The following ANK3 variants were observed in gnomAD, a reference collection of about 807,000 sequenced individuals.
ANK3 encodes ankyrin 3.
Under a neutral mutation model 370.9 loss-of-function variants are expected in ANK3, and 57 were observed. The ratio of observed to expected loss-of-function variants is 0.15; its 90% confidence interval spans 0.12 to 0.19. The LOEUF is 0.19. ANK3 is among the 10% of genes least tolerant of loss of function. The pLI, the probability that ANK3 is intolerant of heterozygous loss-of-function variation, is 1.00. For missense variants in ANK3, 4,439 were observed against 5,302.1 expected, an observed-to-expected ratio of 0.84 and a Z score of 5.06; for synonymous variants, 1,929 against 1,946.3, an observed-to-expected ratio of 0.99 and a Z score of 0.23.
At chr10:60,415,725 A>G (rs1016074836) in intron 2 of ANK3, among the ~76,000 whole-genome samples, 1 of 152,118 alleles carries the variant, frequency 6.6e-6, no homozygotes, top group Non-Finnish European at 1.5e-5. Context: ...TTGTTATAGG[A>G]GAGTCATGGG....
chr10:60,620,303 A>C (rs2078318447), intron 1 of ANK3, among the ~76,000 whole-genome samples: 1 of 152,168 alleles, frequency 6.6e-6, no homozygotes, highest in Non-Finnish European at 1.5e-5. Flanking sequence ...ATTTGTGTGA[A>C]AATCAAGTTT....
intron 42 of ANK3, among the ~76,000 whole-genome samples, chr10:60,048,443 C>G (rs1227453517): frequency 3.9e-5 from 6 of 152,122 alleles, no homozygotes; most frequent in Non-Finnish European, 7.4e-5. Context: ...TTCATTTGTT[C>G]TGGAAGAGAA....
At chr10:60,195,004 T>C (rs1282662204) in intron 16 of ANK3, among the ~76,000 whole-genome samples, 2 of 152,168 alleles carry the variant, frequency 1.3e-5, no homozygotes, top group East Asian at 3.9e-4. Context: ...AGTTCATTCA[T>C]CTGTGTATAC....
intron 1 of ANK3, among the ~76,000 whole-genome samples, chr10:60,642,637 T>TCG (rs2078650803): frequency 6.9e-6 from 1 of 144,726 alleles, no homozygotes; most frequent in South Asian, 2.2e-4. Context: ...TGTTGTGGGG[T>TCG]GGGGGGGCGA....
chr10:60,232,524 T>A (rs2097261415), intron 8 of ANK3, among the ~76,000 whole-genome samples: 1 of 152,212 alleles, frequency 6.6e-6, no homozygotes, highest in Non-Finnish European at 1.5e-5. Context: ...AATTGCTTCT[T>A]ACTGGAATGA....
chr10:60,342,811 T>C (rs1042167730), intron 1 of ANK3, among the ~76,000 whole-genome samples: 3 of 152,138 alleles, frequency 2.0e-5, no homozygotes, highest in African/African-American at 7.2e-5. Flanking sequence ...GATGAAGTCA[T>C]TGAGATAACT....
intron 1 of ANK3, among the ~76,000 whole-genome samples, chr10:60,653,533 A>G (rs2078820944): frequency 6.6e-6 from 1 of 152,068 alleles, no homozygotes. Context: ...CCAATTCTGT[A>G]GCTTTATAGT....
intron 2 of ANK3, among the ~76,000 whole-genome samples, chr10:60,489,924 T>G (rs2133117972): frequency 6.6e-6 from 1 of 152,286 alleles, no homozygotes; most frequent in Non-Finnish European, 1.5e-5. Flanking sequence ...TTGCCCACAT[T>G]TATTCATCAG....
At chr10:60,561,742 T>C (rs937301040) in intron 2 of ANK3, among the ~76,000 whole-genome samples, 1 of 152,208 alleles carries the variant, frequency 6.6e-6, no homozygotes, top group South Asian at 2.1e-4. Context: ...CCACAAGGCC[T>C]TTCCCAAGCC....
At chr10:60,594,262 T>C (rs536199580) in intron 2 of ANK3, among the ~76,000 whole-genome samples, 1 of 152,314 alleles carries the variant, frequency 6.6e-6, no homozygotes, top group East Asian at 1.9e-4. Flanking sequence ...TAAAGATTGT[T>C]ATAGCAGGGA....
chr10:60,418,370 C>T (rs1470382015), intron 2 of ANK3, among the ~76,000 whole-genome samples: 9 of 152,084 alleles, frequency 5.9e-5, no homozygotes, highest in African/African-American at 9.7e-5. Context: ...GCTACACCTG[C>T]GCCTAAGTAT....
intron 1 of ANK3, among the ~76,000 whole-genome samples, chr10:60,641,460 C>T (rs2078631558): frequency 6.6e-6 from 1 of 151,252 alleles, no homozygotes; most frequent in South Asian, 2.1e-4. Flanking sequence ...AGAACAGAGC[C>T]CTCAGAAATA....
At chr10:60,118,353 T>G (rs766549257) in intron 25 of ANK3, among the ~76,000 whole-genome samples, 11 of 152,144 alleles carry the variant, frequency 7.2e-5, no homozygotes, top group Non-Finnish European at 1.6e-4. Context: ...CTCACCCACA[T>G]CCTAGGAAAA....
At chr10:60,191,268 CA>C (rs1453551573) in intron 16 of ANK3, among the ~76,000 whole-genome samples, 1 of 151,640 alleles carries the variant, frequency 6.6e-6, no homozygotes, top group Non-Finnish European at 1.5e-5. Context: ...TTCTGCATAG[CA>C]AAAGAGATAA....
chr10:60,448,894 A>T (rs116766032), intron 2 of ANK3, among the ~76,000 whole-genome samples: 1 of 152,204 alleles, frequency 6.6e-6, no homozygotes, highest in Non-Finnish European at 1.5e-5. Flanking sequence ...AATGGCTCCA[A>T]CCTTGTCCCA....
chr10:60,602,075 G>A (rs2078071966), intron 2 of ANK3, among the ~76,000 whole-genome samples: 1 of 152,200 alleles, frequency 6.6e-6, no homozygotes, highest in African/African-American at 2.4e-5. Flanking sequence ...GGAATAGTAA[G>A]AGCAGCATTA....
At chr10:60,284,029 CT>C (rs2098205771) in intron 1 of ANK3, among the ~76,000 whole-genome samples, 1 of 152,050 alleles carries the variant, frequency 6.6e-6, no homozygotes, top group African/African-American at 2.4e-5. Flanking sequence ...GAAATACAAT[CT>C]TTGCAGATAT....
At chr10:60,065,136 TG>T (rs1178825791) in intron 38 of ANK3, among the ~76,000 whole-genome samples, 1 of 152,176 alleles carries the variant, frequency 6.6e-6, no homozygotes, top group Non-Finnish European at 1.5e-5. Flanking sequence ...TTATATGATA[TG>T]AAGCTACTTG....
rs115104923 is a variant in ANK3, at chr10:60,036,789, C to T, written c.*19+5883G>A. On this transcript the variant is annotated intron_variant, in intron 43 of 43. Coordinates refer to ENST00000280772, the MANE Select transcript of ANK3 (RefSeq NM_020987.5). ...TGCTTTTGAGGACTCAACTTTTGAG[C>T]CCCTTCTTGGCTTACTTCAGTTTTC... is the stretch of plus-strand genomic sequence containing the variant. Among the ~76,000 whole-genome samples, 252 of 152,068 alleles carry T rather than the reference C, an allele frequency of 1.7e-3. 3 individuals are homozygous for T. Among genetic ancestry groups the T allele is most frequent in the African/African-American group, 5.7e-3 (238 of 41,482 alleles).
Sources: allele counts gnomAD v4.1 joint callset (sites outside exome capture counted in the v4.1 genomes callset), GRCh38; gene constraint gnomAD v4.1.1; transcripts MANE v1.5; gene names NCBI Gene and HGNC (gene_info 2026-07-23, HGNC 2026-07-21).